Variants in PTPRG observed in about 807,000 individuals in gnomAD.
PTPRG encodes protein tyrosine phosphatase receptor type G.
A neutral mutation model predicts 165.3 loss-of-function variants in PTPRG; 102 were observed. The observed-to-expected ratio is 0.62, with a 90% CI of 0.53 to 0.73. PTPRG has a LOEUF of 0.73. Among genes scored for constraint, PTPRG ranks in the 30% least tolerant of loss-of-function variants. The pLI is 0.00. For missense variants in PTPRG, 1,866 were observed against 1,861.4 expected (o/e 1.00, Z -0.05); for synonymous variants, 675 against 669.5 (o/e 1.01, Z -0.13).
chr3:62,204,469 C>T (rs1700178847), intron 12 of PTPRG, among the ~76,000 whole-genome samples: 1 of 152,190 alleles, frequency 6.6e-6, no homozygotes, highest in South Asian at 2.1e-4. Flanking sequence ...AGCCAGCAAG[C>T]TAGATGGTGG....
intron 5 of PTPRG, chr3:62,124,268 G>A (rs950383175): frequency 2.0e-6 from 3 of 1,478,648 alleles, no homozygotes; most frequent in African/African-American, 1.4e-5. Flanking sequence ...AGCCTGCAAG[G>A]ACAGGATGCT....
rs11451025 is a variant in PTPRG at position 61,567,965 on chromosome 3, C to CAAAAAAAA, written c.85+5606_85+5613dup. Among the ~76,000 whole-genome samples, 2 of 124,256 alleles carry CAAAAAAAA rather than the reference C, an allele frequency of 1.6e-5. 1 individual carries two copies. The allele number at this position is 124,256 out of a possible 152,430, so 81.5% of individuals were successfully genotyped here. ...TGGGCGACATAGTGAGACCCTGCCT[C>CAAAAAAAA]AAAAAAAAAAAAAAAAAAAAGTTCA... On this transcript the variant is annotated intron_variant, in intron 1 of 29. Transcript: ENST00000474889.
intron 6 of PTPRG, among the ~76,000 whole-genome samples, chr3:62,135,487 C>T (rs1703674288): frequency 1.3e-5 from 2 of 152,158 alleles, no homozygotes; most frequent in East Asian, 3.9e-4. Flanking sequence ...ACTTTTATTT[C>T]TTCAGCTCTG....
At chr3:61,872,314 G>A (rs1240465292) in intron 2 of PTPRG, among the ~76,000 whole-genome samples, 1 of 152,106 alleles carries the variant, frequency 6.6e-6, no homozygotes, top group Non-Finnish European at 1.5e-5. Context: ...TTACACCTGT[G>A]AATAGTCACT....
intron 2 of PTPRG, among the ~76,000 whole-genome samples, chr3:61,804,330 T>C (rs767086856): frequency 6.6e-6 from 1 of 152,222 alleles, no homozygotes; most frequent in Non-Finnish European, 1.5e-5. Flanking sequence ...CTGGAGTTAA[T>C]AGTCAGAACT....
intron 1 of PTPRG, among the ~76,000 whole-genome samples, chr3:61,722,895 A>G (rs2032111309): frequency 2.0e-5 from 3 of 152,070 alleles, no homozygotes. Context: ...CTGATGTTGG[A>G]GTTCTGAAAG....
At chr3:62,015,177 A>T (rs1559747186) in intron 4 of PTPRG, among the ~76,000 whole-genome samples, 2 of 152,224 alleles carry the variant, frequency 1.3e-5, no homozygotes, top group Non-Finnish European at 2.9e-5. Flanking sequence ...CATTTGGTTC[A>T]TTAACAGAGC....
chr3:62,103,606 C>G (rs1384603252), intron 5 of PTPRG, among the ~76,000 whole-genome samples: 1 of 152,222 alleles, frequency 6.6e-6, no homozygotes, highest in Non-Finnish European at 1.5e-5. Context: ...ATGATGCCTT[C>G]TCCTACAGAT....
At chr3:62,167,247 C>T (rs1008086483) in intron 7 of PTPRG, among the ~76,000 whole-genome samples, 1 of 152,128 alleles carries the variant, frequency 6.6e-6, no homozygotes, top group Admixed American at 6.5e-5. Context: ...TTGAACAGTT[C>T]ATCTCCGATT....
intron 8 of PTPRG, among the ~76,000 whole-genome samples, chr3:62,187,175 C>T (rs952625580): frequency 6.6e-6 from 1 of 152,182 alleles, no homozygotes; most frequent in East Asian, 1.9e-4. Context: ...AATTACAGAT[C>T]GTCAATGAAG....
chr3:62,106,360 A>G (rs1208423543), intron 5 of PTPRG, among the ~76,000 whole-genome samples: 1 of 152,222 alleles, frequency 6.6e-6, no homozygotes, highest in Non-Finnish European at 1.5e-5. Context: ...GCTGAAAGTC[A>G]TAACTCAGGA....
chr3:62,252,876 T>C lies in PTPRG; in HGVS notation c.2468-2248T>C, dbSNP rs1701453634. 6.6e-6 allele frequency among the ~76,000 whole-genome samples: 1 copy of C among 152,182 alleles called. No individual in the cohort carries two copies. The highest frequency in any genetic ancestry group is 1.5e-5 in the Non-Finnish European group (1 of 68,034). Reference sequence around the variant, plus strand: ...ATGTATGTCCGCCTGTCTGGTACTTTTGTGACATTATTGGTGGTGCCTGGA... The same window carrying C: ...ATGTATGTCCGCCTGTCTGGTACTTCTGTGACATTATTGGTGGTGCCTGGA... On this transcript the variant is annotated intron_variant, in intron 15 of 29. Transcript: ENST00000474889. This position sits in a 1 kb window ranked among gnomAD's most constrained non-coding sequence, Gnocchi z 4.6.
intron 4 of PTPRG, among the ~76,000 whole-genome samples, chr3:62,013,695 G>A (rs544695385): frequency 4.6e-5 from 7 of 151,206 alleles, no homozygotes; most frequent in Non-Finnish European, 1.0e-4. Context: ...AATAAAATTT[G>A]TTTTAAAAAT....
rs959681424 is a variant in PTPRG at position 61,643,260 on chromosome 3, G to GGAGAGAGAGAGAGAGAAAGAGAGA, written c.85+80899_85+80922dup. Among the ~76,000 whole-genome samples the GGAGAGAGAGAGAGAGAAAGAGAGA allele has an allele frequency of 7.9e-5, 11 of 138,596 alleles. No homozygotes were observed. The East Asian group carries it at 2.2e-3, about 28-fold the overall frequency. The allele number at this position is 138,596 out of a possible 152,430, so 90.9% of individuals were successfully genotyped here. A position where few individuals can be genotyped will look rare whatever the true frequency, so the allele number is the denominator to read the frequency against. On this transcript the variant is annotated intron_variant, in intron 1 of 29. Transcript: ENST00000474889. ...GGAAACATAGCAAGACCCCATCTGG[G>GGAGAGAGAGAGAGAGAAAGAGAGA]GAGAGAGAGAGAGAGAAAGAGAGAG...
At chr3:61,883,619 A>G (rs1186344020) in intron 2 of PTPRG, among the ~76,000 whole-genome samples, 1 of 152,246 alleles carries the variant, frequency 6.6e-6, no homozygotes, top group Non-Finnish European at 1.5e-5. Context: ...AAACAGGGCC[A>G]GAAATGAGAT....
chr3:61,955,681 C>T (rs916365895), intron 2 of PTPRG, among the ~76,000 whole-genome samples: 11 of 151,988 alleles, frequency 7.2e-5, no homozygotes, highest in East Asian at 3.9e-4. Flanking sequence ...TACTTTGGCA[C>T]GGGAATGTTC....
At chr3:61,620,452 G>A (rs1251841057) in intron 1 of PTPRG, among the ~76,000 whole-genome samples, 2 of 152,068 alleles carry the variant, frequency 1.3e-5, no homozygotes, top group East Asian at 3.9e-4. Context: ...TGGCCTCACA[G>A]ATTTGTAATG....
intron 12 of PTPRG, among the ~76,000 whole-genome samples, chr3:62,216,741 T>TA (rs1476540961): frequency 6.6e-6 from 1 of 152,212 alleles, no homozygotes; most frequent in Non-Finnish European, 1.5e-5. Flanking sequence ...CTACTGCTCT[T>TA]ACGACTAAAT....
At chr3:61,961,612 A>C (rs2040154756) in intron 2 of PTPRG, among the ~76,000 whole-genome samples, 1 of 152,172 alleles carries the variant, frequency 6.6e-6, no homozygotes, top group African/African-American at 2.4e-5. Context: ...GTATTTTAAA[A>C]ATAGAAACAG....
Sources: allele counts gnomAD v4.1 joint callset (sites outside exome capture counted in the v4.1 genomes callset), GRCh38; gene constraint gnomAD v4.1.1; non-coding constraint Gnocchi (gnomAD v3.1); transcripts MANE v1.5; gene names NCBI Gene and HGNC (gene_info 2026-07-23, HGNC 2026-07-21).